The following MXI1 variants were observed in gnomAD, a reference collection of about 807,000 sequenced individuals.
The protein encoded by MXI1 is max-interacting protein 1.
Under a neutral mutation model 36.9 loss-of-function variants are expected in MXI1, and 18 were observed. That is an observed-to-expected ratio of 0.49 (90% CI 0.34 to 0.72). MXI1 has a LOEUF of 0.72. Ranked by LOEUF, MXI1 falls within the 30% of genes least tolerant of loss-of-function variation. The probability of loss-of-function intolerance (pLI) is 0.01; values close to 1 mark genes in which losing one functional copy is unlikely to be tolerated. For missense variants in MXI1, 304 were observed against 379.1 expected, an observed-to-expected ratio of 0.80 and a Z score of 1.64; for synonymous variants, 160 against 146.7, an observed-to-expected ratio of 1.09 and a Z score of -0.65.
chr10:110,228,280 G>C lies in MXI1; in HGVS notation c.366G>C (p.Gln122His). 1 of 1,614,184 alleles carries C rather than the reference G, an allele frequency of 6.2e-7. No individual in the cohort carries two copies. Residue 122 changes from glutamine (Q) to histidine (H), a missense_variant, in exon 2 of 6, where the codon CAG (glutamine) becomes CAC (histidine). This residue lies in a region of MXI1 where 179 missense variants were observed against 184.8 expected (regional missense o/e 0.97). Coordinates refer to ENST00000332674, the MANE Select transcript of MXI1 (RefSeq NM_130439.3). Reference protein sequence around the residue: ...SKPPRRLSRAQKHSSGSSNTS... With the variant: ...SKPPRRLSRAHKHSSGSSNTS... ...CCCCACGGAGGTTGAGCCGGGCACA[G>C]AAACACAGCAGCGGGAGCAGCAACA...
chr10:110,262,746 T>C (rs1490591044), intron 3 of MXI1, among the ~76,000 whole-genome samples: 2 of 152,136 alleles, frequency 1.3e-5, no homozygotes, highest in African/African-American at 4.8e-5. Flanking sequence ...TCTAAGTCCC[T>C]GTAAGTAATA....
chr10:110,244,408 TTC>T (rs1351255505), intron 2 of MXI1, among the ~76,000 whole-genome samples: 2 of 152,050 alleles, frequency 1.3e-5, no homozygotes, highest in Non-Finnish European at 2.9e-5. Flanking sequence ...AAACTTTTTT[TTC>T]TCTGTTTAGA....
Position 110,239,101 on chromosome 10 carries a change from C to T in MXI1, c.408-5727C>T, listed in dbSNP as rs1411503468. Among the ~76,000 whole-genome samples the T allele has an allele frequency of 2.6e-5, 4 of 152,188 alleles. No individual in the cohort carries two copies. In the East Asian group the frequency reaches 7.7e-4, roughly 29 times the overall value. ...TGTCCTTGGTTTTTATTATATTTCT[C>T]TACTTCAGTTTCTCAACGTTAGCAG... On this transcript the variant is annotated intron_variant, in intron 2 of 5. Coordinates refer to ENST00000332674, the MANE Select transcript of MXI1 (RefSeq NM_130439.3).
At chr10:110,274,938 G>T (rs1468446747) in intron 3 of MXI1, among the ~76,000 whole-genome samples, 1 of 146,342 alleles carries the variant, frequency 6.8e-6, no homozygotes, top group South Asian at 2.2e-4. Flanking sequence ...GCACTGGCGC[G>T]ATCTCTGCTC....
chr10:110,246,316 C>A (rs1855862453), intron 3 of MXI1, among the ~76,000 whole-genome samples: 1 of 151,744 alleles, frequency 6.6e-6, no homozygotes, highest in African/African-American at 2.4e-5. Flanking sequence ...GAGAGTGAGA[C>A]CCTGTCTTAA....
At chr10:110,223,255 T>C (rs1854863952) in intron 1 of MXI1, among the ~76,000 whole-genome samples, 1 of 152,238 alleles carries the variant, frequency 6.6e-6, no homozygotes, top group Admixed American at 6.5e-5. Flanking sequence ...ATTTTCAGTT[T>C]GTACTACTTT....
chr10:110,224,450 G>C (rs919150487), intron 1 of MXI1, among the ~76,000 whole-genome samples: 1 of 152,156 alleles, frequency 6.6e-6, no homozygotes, highest in Non-Finnish European at 1.5e-5. Context: ...CTGGCATCTA[G>C]TGGGTAGAGG....
intron 3 of MXI1, among the ~76,000 whole-genome samples, chr10:110,275,201 C>G (rs1856987477): frequency 6.6e-6 from 1 of 152,038 alleles, no homozygotes; most frequent in African/African-American, 2.4e-5. Flanking sequence ...CAAATCAAAC[C>G]AAGCTTTTTT....
intron 1 of MXI1, among the ~76,000 whole-genome samples, chr10:110,223,402 T>G (rs1028017787): frequency 6.6e-6 from 1 of 151,902 alleles, no homozygotes; most frequent in Non-Finnish European, 1.5e-5. Context: ...GCCAACATGG[T>G]GAAACCCTGT....
At chr10:110,248,919 G>A (rs1855969347) in intron 3 of MXI1, among the ~76,000 whole-genome samples, 1 of 152,114 alleles carries the variant, frequency 6.6e-6, no homozygotes, top group Admixed American at 6.6e-5. Flanking sequence ...AGTTACCAGT[G>A]GTGGTCTGGC....
intron 3 of MXI1, among the ~76,000 whole-genome samples, chr10:110,251,345 T>TA (rs1474723375): frequency 6.6e-6 from 1 of 152,138 alleles, no homozygotes; most frequent in Non-Finnish European, 1.5e-5. Flanking sequence ...CAACAATTAA[T>TA]AAATACCATG....
At chr10:110,237,657 T>C (rs201463211) in intron 2 of MXI1, among the ~76,000 whole-genome samples, 6 of 152,310 alleles carry the variant, frequency 3.9e-5, no homozygotes, top group African/African-American at 1.4e-4. Flanking sequence ...ATGCCAGCCA[T>C]AAGTTCAGGA....
At chr10:110,277,605 A>G (rs1857081375) in intron 3 of MXI1, among the ~76,000 whole-genome samples, 1 of 152,258 alleles carries the variant, frequency 6.6e-6, no homozygotes, top group East Asian at 1.9e-4. Context: ...GTTAAATATC[A>G]TTAAGGAGAA....
intron 1 of MXI1, chr10:110,225,859 GA>G: frequency 3.0e-6 from 1 of 333,518 alleles, no homozygotes; most frequent in Non-Finnish European, 4.2e-6. Context: ...CAGGCGCCCT[GA>G]AACGGCGTGT....
At chr10:110,227,317 G>A in intron 1 of MXI1, 2 of 981,664 alleles carry the variant, frequency 2.0e-6, no homozygotes, top group Non-Finnish European at 2.4e-6. Context: ...GGTGCGGGGA[G>A]GGGCGCGCGT....
intron 2 of MXI1, 49 bp downstream of exon 2, chr10:110,228,370 AT>A: frequency 6.2e-7 from 1 of 1,609,032 alleles, no homozygotes. Flanking sequence ...GAAGGAGCAC[AT>A]TTCTCCTGTA....
intron 2 of MXI1, among the ~76,000 whole-genome samples, chr10:110,238,766 G>T (rs1287963175): frequency 6.6e-6 from 1 of 151,996 alleles, no homozygotes. Context: ...CAGAGTTTCT[G>T]TTTCTTCTTG....
At chr10:110,210,797 C>T (rs1854492494) in intron 1 of MXI1, among the ~76,000 whole-genome samples, 1 of 152,236 alleles carries the variant, frequency 6.6e-6, no homozygotes, top group South Asian at 2.1e-4. Flanking sequence ...CACGGCAATC[C>T]GCGTGTGCAC....
intron 3 of MXI1, 46 bp downstream of exon 3, chr10:110,244,903 ACT>A: frequency 1.3e-6 from 2 of 1,589,350 alleles, no homozygotes; most frequent in African/African-American, 2.7e-5. Context: ...TTAAAAGCAA[ACT>A]CACCATTTTA....
Sources: gnomAD v4.1 joint callset for allele counts (sites outside exome capture counted in the v4.1 genomes callset) on GRCh38, gnomAD v4.1.1 for gene constraint, gnomAD v4.1.1 regional missense constraint, MANE v1.5 for transcripts, NCBI Gene and HGNC (gene_info 2026-07-23, HGNC 2026-07-21) for gene names.